Variants in HIP1 observed in about 807,000 individuals in gnomAD.
HIP1 encodes the protein huntingtin interacting protein 1, also known as huntingtin-interacting protein 1.
HIP1 carries 65 observed loss-of-function variants against 147.6 expected under a neutral mutation model. The observed-to-expected ratio is 0.44, with a 90% CI of 0.36 to 0.54. HIP1 has a LOEUF of 0.54. Ranked by LOEUF, HIP1 falls within the 20% of genes least tolerant of loss-of-function variation. HIP1 has a pLI of 0.00. For missense variants in HIP1, 1,061 were observed against 1,299.6 expected, an observed-to-expected ratio of 0.82 and a Z score of 2.82; for synonymous variants, 479 against 504.0, an observed-to-expected ratio of 0.95 and a Z score of 0.67.
intron 14 of HIP1, among the ~76,000 whole-genome samples, chr7:75,558,848 A>G (rs60332834): frequency 7.9e-5 from 12 of 152,212 alleles, no homozygotes; most frequent in African/African-American, 2.9e-4. Context: ...GTGAAACCCC[A>G]TCTCTACTAT....
intron 14 of HIP1, among the ~76,000 whole-genome samples, chr7:75,558,981 T>C (rs1170809733): frequency 6.6e-6 from 1 of 152,134 alleles, no homozygotes; most frequent in African/African-American, 2.4e-5. Flanking sequence ...ATCACACCAC[T>C]GCATTCCAGC....
intron 6 of HIP1, among the ~76,000 whole-genome samples, chr7:75,581,826 T>C (rs1449965734): frequency 6.6e-6 from 1 of 151,978 alleles, no homozygotes; most frequent in African/African-American, 2.4e-5. Context: ...AGAGGATAGG[T>C]ACCAGTGTTG....
chr7:75,663,995 CACATATATGTGTATATATAT>C (rs1563278206), intron 1 of HIP1, among the ~76,000 whole-genome samples: 1,335 of 24,694 alleles, frequency 0.054, 515 homozygotes, highest in African/African-American at 0.35. Context: ...TATATATATA[CACATATATGTGTATATATAT>C]ACACATATAT....
intron 2 of HIP1, among the ~76,000 whole-genome samples, chr7:75,594,732 C>T (rs587755396): frequency 2.0e-5 from 3 of 152,260 alleles, no homozygotes; most frequent in African/African-American, 7.2e-5. Flanking sequence ...CAAGATTGCA[C>T]CACTGCACTC....
At chr7:75,576,074 C>T (rs1795837587) in intron 7 of HIP1, among the ~76,000 whole-genome samples, 1 of 152,202 alleles carries the variant, frequency 6.6e-6, no homozygotes. Context: ...CCCTGCCTGG[C>T]CCCGATTCCT....
At chr7:75,682,133 A>AT (rs1800104365) in intron 1 of HIP1, among the ~76,000 whole-genome samples, 2 of 133,808 alleles carry the variant, frequency 1.5e-5, no homozygotes, top group Non-Finnish European at 3.1e-5. Flanking sequence ...TAATTTCTGT[A>AT]TTTTTAGTAC....
intron 1 of HIP1, among the ~76,000 whole-genome samples, chr7:75,715,617 C>T (rs1801293235): frequency 6.7e-6 from 1 of 149,468 alleles, no homozygotes; most frequent in Non-Finnish European, 1.5e-5. Context: ...ACTAAAAATA[C>T]AAGAAAAATT....
chr7:75,539,254 G>A, intron 30 of HIP1, 69 bp downstream of exon 30: 1 of 1,114,302 alleles, frequency 9.0e-7, no homozygotes, highest in Non-Finnish European at 1.4e-6. Flanking sequence ...TCCATTCTAG[G>A]GGAAGGCCCT....
chr7:75,544,667 C>T (rs370657635), intron 27 of HIP1, 28 bp downstream of exon 27: 350 of 1,363,578 alleles, frequency 2.6e-4, no homozygotes, highest in Non-Finnish European at 3.4e-4. Flanking sequence ...GGCCTTCCAG[C>T]GTCCTAGGAG....
intron 1 of HIP1, among the ~76,000 whole-genome samples, chr7:75,678,595 C>T (rs62477560): frequency 0.13 from 19,938 of 152,076 alleles, 1,393 homozygotes; most frequent in East Asian, 0.2. Context: ...CCACCTGCCT[C>T]GGCCTCCCAA....
chr7:75,672,552 T>G (rs1554515447), intron 1 of HIP1, among the ~76,000 whole-genome samples: 1 of 152,164 alleles, frequency 6.6e-6, no homozygotes, highest in African/African-American at 2.4e-5. Flanking sequence ...GGTCTCAAAC[T>G]CCGGAGCTCC....
intron 1 of HIP1, among the ~76,000 whole-genome samples, chr7:75,702,110 T>G (rs1800850824): frequency 6.6e-6 from 1 of 150,638 alleles, no homozygotes; most frequent in African/African-American, 2.4e-5. Context: ...TTGTATTTTT[T>G]TCTTTCTTTT....
chr7:75,605,594 G>A (rs1367309333), intron 1 of HIP1, among the ~76,000 whole-genome samples: 1 of 152,172 alleles, frequency 6.6e-6, no homozygotes, highest in South Asian at 2.1e-4. Flanking sequence ...GTGCAATGGC[G>A]CAATCTTGGC....
chr7:75,641,013 T>C (rs1471125011), intron 1 of HIP1, among the ~76,000 whole-genome samples: 1 of 151,132 alleles, frequency 6.6e-6, no homozygotes, highest in Admixed American at 6.6e-5. Context: ...CATCAAGATA[T>C]AAGAAATAAT....
chr7:75,624,934 TA>T (rs1219305957), intron 1 of HIP1, among the ~76,000 whole-genome samples: 3 of 141,708 alleles, frequency 2.1e-5, no homozygotes, highest in African/African-American at 9.0e-5. Flanking sequence ...TATTTTTGTT[TA>T]ATTTTTTTTT....
chr7:75,636,619 C>T (rs1798437228), intron 1 of HIP1, among the ~76,000 whole-genome samples: 1 of 152,226 alleles, frequency 6.6e-6, no homozygotes, highest in Admixed American at 6.5e-5. Context: ...GGGTAAGGTT[C>T]TCCTTGCTAC....
chr7:75,642,448 T>G (rs536194879), intron 1 of HIP1, among the ~76,000 whole-genome samples: 51 of 152,150 alleles, frequency 3.4e-4, no homozygotes, highest in African/African-American at 1.2e-3. Flanking sequence ...GGCAGGAGAA[T>G]CACTTGAACA....
intron 4 of HIP1, among the ~76,000 whole-genome samples, chr7:75,587,604 G>C (rs1215327818): frequency 6.6e-6 from 1 of 152,082 alleles, no homozygotes; most frequent in African/African-American, 2.4e-5. Flanking sequence ...ATTCCTTATA[G>C]CACAATCTTT....
intron 1 of HIP1, among the ~76,000 whole-genome samples, chr7:75,698,820 T>TA (rs11380555): frequency 0.1 from 14,521 of 144,612 alleles, 1,178 homozygotes; most frequent in African/African-American, 0.23. Flanking sequence ...CCCTGCCTCT[T>TA]AAAAAAAAAA....
Sources: allele counts gnomAD v4.1 joint callset (sites outside exome capture counted in the v4.1 genomes callset), GRCh38; gene constraint gnomAD v4.1.1; transcripts MANE v1.5; gene names NCBI Gene and HGNC (gene_info 2026-07-23, HGNC 2026-07-21).